Variants in WDR59 observed in about 807,000 individuals in gnomAD.
The protein encoded by WDR59 is GATOR2 complex protein WDR59.
A neutral mutation model predicts 131.2 loss-of-function variants in WDR59; 100 were observed. The ratio of observed to expected loss-of-function variants is 0.76; its 90% CI spans 0.65 to 0.90. The LOEUF (loss-of-function observed/expected upper bound fraction) is 0.90, where lower values mean the gene tolerates loss of function less well. Ranked by LOEUF, WDR59 falls within the 40% of genes least tolerant of loss-of-function variation. The probability of loss-of-function intolerance (pLI) is 0.00; values close to 1 mark genes in which losing one functional copy is unlikely to be tolerated. For missense variants in WDR59, 1,203 were observed against 1,262.2 expected, an observed-to-expected ratio of 0.95 and a Z score of 0.71; for synonymous variants, 601 against 466.2, an observed-to-expected ratio of 1.29 and a Z score of -3.72.
chr16:74,907,135 C>G, intron 17 of WDR59, among the ~76,000 whole-genome samples: 1 of 135,310 alleles, frequency 7.4e-6, no homozygotes, highest in Admixed American at 7.6e-5. Flanking sequence ...GGGCCCAGGT[C>G]ACATCTGCCC....
At chr16:74,923,450 C>T (rs970833465) in intron 9 of WDR59, among the ~76,000 whole-genome samples, 3 of 152,088 alleles carry the variant, frequency 2.0e-5, no homozygotes, top group South Asian at 4.1e-4. Context: ...TAGATACTTA[C>T]CCAACACTCC....
chr16:74,929,948 T>C (rs549571975), intron 8 of WDR59, among the ~76,000 whole-genome samples: 51 of 152,344 alleles, frequency 3.3e-4, no homozygotes, highest in African/African-American at 1.2e-3. Context: ...AAACTTTGCA[T>C]GTTCTCACTC....
intron 1 of WDR59, among the ~76,000 whole-genome samples, chr16:74,966,784 C>G (rs898831475): frequency 6.6e-6 from 1 of 152,186 alleles, no homozygotes; most frequent in African/African-American, 2.4e-5. Flanking sequence ...GTGCATTTAA[C>G]TGGTTTCTAT....
intron 6 of WDR59, among the ~76,000 whole-genome samples, chr16:74,946,717 T>G (rs1476831795): frequency 6.6e-6 from 1 of 151,630 alleles, no homozygotes; most frequent in Non-Finnish European, 1.5e-5. Context: ...AGTGAGGATC[T>G]GTCTCAAAAA....
intron 20 of WDR59, among the ~76,000 whole-genome samples, chr16:74,891,112 C>CAAAAAA (rs1220561474): frequency 3.1e-5 from 2 of 65,448 alleles, no homozygotes; most frequent in Non-Finnish European, 6.3e-5. Context: ...GACTCTGTCT[C>CAAAAAA]AAAAAAAAAA....
At chr16:74,957,032 T>C in intron 2 of WDR59, among the ~76,000 whole-genome samples, 1 of 152,102 alleles carries the variant, frequency 6.6e-6, no homozygotes, top group Non-Finnish European at 1.5e-5. Flanking sequence ...TTGTCCTGAA[T>C]CAACTAAGTG....
chr16:74,970,128 C>G (rs2033923133), intron 1 of WDR59, among the ~76,000 whole-genome samples: 1 of 152,060 alleles, frequency 6.6e-6, no homozygotes, highest in African/African-American at 2.4e-5. Flanking sequence ...TTTCACCATG[C>G]TGCCTAGGCT....
intron 24 of WDR59, 76 bp downstream of exon 24, chr16:74,886,194 A>AAAAAAAAAAAAAAAAGCAG: frequency 6.7e-7 from 1 of 1,503,222 alleles, no homozygotes; most frequent in Non-Finnish European, 9.0e-7. Context: ...AAAAAAAGTA[A>AAAAAAAAAAAAAAAAGCAG]GAGTTGTGAT....
chr16:74,909,362 A>G (rs2303254), intron 16 of WDR59, 139 bp downstream of exon 16: 727,271 of 1,114,566 alleles, frequency 0.65, 238,164 homozygotes, highest in East Asian at 0.72. Flanking sequence ...CTCAGACCCT[A>G]CCACGCTACC....
chr16:74,912,769 G>A (rs1966163055), intron 13 of WDR59, among the ~76,000 whole-genome samples: 2 of 152,198 alleles, frequency 1.3e-5, no homozygotes, highest in African/African-American at 4.8e-5. Flanking sequence ...TGTTTCTATA[G>A]ATTATAGATT....
At chr16:74,885,821 G>T in intron 24 of WDR59, 26 bp from the exon 25 acceptor site, 1 of 1,605,338 alleles carries the variant, frequency 6.2e-7, no homozygotes, top group African/African-American at 1.3e-5. Flanking sequence ...AAGATTTCCT[G>T]TCAGTTCCTT....
rs779809017 is a variant in WDR59, at chr16:74,903,937, T to C, written c.1866+10A>G. On this transcript the variant is annotated intron_variant, in intron 18 of 25. Coordinates refer to ENST00000262144, the MANE Select transcript of WDR59 (RefSeq NM_030581.4). ...GGGTAAGAATCAAAGGCTACGGCTC[T>C]GGCACTTACCCGCTCCTTGTAGTAG... 1.9e-6 allele frequency: 3 copies of C among 1,604,694 alleles called. No homozygotes were observed. Among genetic ancestry groups the C allele is most frequent in the African/African-American group, 1.3e-5 (1 of 74,892 alleles).
intron 2 of WDR59, among the ~76,000 whole-genome samples, chr16:74,962,297 T>C (rs1167645801): frequency 6.6e-6 from 1 of 152,098 alleles, no homozygotes; most frequent in Admixed American, 6.6e-5. Flanking sequence ...CGTATGAATT[T>C]CATAGTTTTT....
intron 14 of WDR59, chr16:74,911,976 A>G: frequency 3.5e-6 from 2 of 572,022 alleles, no homozygotes; most frequent in East Asian, 5.6e-5. Flanking sequence ...TTTTCATTAG[A>G]ATTCAAAGGA....
chr16:74,948,313 T>A (rs2032775895), intron 6 of WDR59, among the ~76,000 whole-genome samples: 1 of 152,174 alleles, frequency 6.6e-6, no homozygotes, highest in Admixed American at 6.5e-5. Context: ...CACCCAACAG[T>A]CCTAACTGTG....
chr16:74,893,532 G>A (rs891515720), intron 19 of WDR59, 147 bp downstream of exon 19: 3 of 840,182 alleles, frequency 3.6e-6, no homozygotes, highest in South Asian at 2.4e-5. Context: ...AAGTTTGTGG[G>A]AATTTGTCCA....
rs1031663588 is a variant in WDR59 at position 74,874,188 on chromosome 16, C to T, written c.*21G>A. On this transcript the variant is annotated 3_prime_UTR_variant, in exon 26 of 26. Coordinates refer to ENST00000262144, the MANE Select transcript of WDR59 (RefSeq NM_030581.4). The stretch of plus-strand genomic sequence containing the variant: ...CTTATGGGTCCTCTGGGATTTCAGA[C>T]AATACCCAACTTCTGTAGGTTCAGA... 6.3e-7 allele frequency: 1 copy of T among 1,597,738 alleles called. No homozygotes were observed. Among genetic ancestry groups the T allele is most frequent in the Non-Finnish European group, 8.6e-7 (1 of 1,168,202 alleles).
intron 4 of WDR59, among the ~76,000 whole-genome samples, chr16:74,950,992 CAAAA>C (rs528212034): frequency 2.7e-5 from 2 of 75,310 alleles, no homozygotes; most frequent in Non-Finnish European, 2.8e-5. Flanking sequence ...CCTGTCTCCA[CAAAA>C]AAAAAAAAAA....
chr16:74,948,620 C>T, intron 5 of WDR59, 64 bp from the exon 6 acceptor site: 1 of 1,303,714 alleles, frequency 7.7e-7, no homozygotes, highest in Non-Finnish European at 1.1e-6. Context: ...TGGTATTTTT[C>T]ACCCTTTGCA....
Sources: gnomAD v4.1 joint callset for allele counts (sites outside exome capture counted in the v4.1 genomes callset) on GRCh38, gnomAD v4.1.1 for gene constraint, MANE v1.5 for transcripts, NCBI Gene and HGNC (gene_info 2026-07-23, HGNC 2026-07-21) for gene names.